The following ZNF17 variants were observed in gnomAD, a reference collection of about 807,000 sequenced individuals.
ZNF17 encodes zinc finger protein 17 (HPF3, KOX 10).
In ZNF17, 4 loss-of-function variants were observed where a neutral mutation model predicts 7.7. The observed-to-expected ratio is 0.52, with a 90% CI of 0.26 to 1.20. The LOEUF (loss-of-function observed/expected upper bound fraction) is 1.20, where lower values mean the gene tolerates loss of function less well. Among genes scored for constraint, ZNF17 ranks in the 50% most tolerant of loss-of-function variants. The probability of loss-of-function intolerance (pLI) is 0.14; values close to 1 mark genes in which losing one functional copy is unlikely to be tolerated. For missense variants in ZNF17, 738 were observed against 799.5 expected, an observed-to-expected ratio of 0.92 and a Z score of 0.93; for synonymous variants, 249 against 258.8, an observed-to-expected ratio of 0.96 and a Z score of 0.36.
In ZNF17 at chr19:57,421,522, G is replaced by T. The variant is rs1288027955; in HGVS notation, c.*41G>T. ...AGCAGATGGGGAAAGACTTCACACA[G>T]AAATCTACTCTGATTTAGCACTGGG... On this transcript the variant is annotated 3_prime_UTR_variant, in exon 4 of 4. Transcript: ENST00000307658. 1 of 1,537,296 alleles carries T rather than the reference G, an allele frequency of 6.5e-7. No individual in the cohort carries two copies.
intron 3 of ZNF17, among the ~76,000 whole-genome samples, chr19:57,418,906 G>A (rs2088829070): frequency 7.1e-6 from 1 of 141,290 alleles, no homozygotes; most frequent in Non-Finnish European, 1.5e-5. Context: ...TTTTGTTTTT[G>A]TTTTTGAGAT....
chr19:57,412,878 CTTT>C (rs1423525684), intron 1 of ZNF17, among the ~76,000 whole-genome samples: 4 of 151,066 alleles, frequency 2.6e-5, no homozygotes, highest in Non-Finnish European at 3.0e-5. Context: ...GTTGATTTTT[CTTT>C]TTTCTTTTTT....
chr19:57,415,752 A>G (rs1014612384), intron 2 of ZNF17, among the ~76,000 whole-genome samples: 6 of 152,132 alleles, frequency 3.9e-5, no homozygotes, highest in African/African-American at 1.4e-4. Context: ...GAGAGTGCAC[A>G]TAAAAGTTGG....
Position 57,411,189 on chromosome 19 carries a change from C to T in ZNF17, c.-238C>T, listed in dbSNP as rs374122411. ...ACGCCTCCTGGGGTTGTCAATATGGCTGCGTTGGGATCTGTTCACCTTCAG... is the reference window on the plus strand; with the variant it reads ...ACGCCTCCTGGGGTTGTCAATATGGTTGCGTTGGGATCTGTTCACCTTCAG... On this transcript the variant is annotated 5_prime_UTR_variant, in exon 1 of 4. Coordinates refer to ENST00000307658, the MANE Select transcript of ZNF17 (RefSeq NM_001330617.2). The T allele has an allele frequency of 4.5e-6, 3 of 660,924 alleles. No individual in the cohort carries two copies. Among genetic ancestry groups the T allele is most frequent in the Non-Finnish European group, 4.9e-6 (2 of 411,038 alleles). The allele number at this position is 660,924 out of a possible 1,614,324, so 40.9% of individuals were successfully genotyped here.
chr19:57,415,004 C>T (rs1470280609), intron 2 of ZNF17, among the ~76,000 whole-genome samples: 3 of 152,168 alleles, frequency 2.0e-5, no homozygotes, highest in African/African-American at 7.2e-5. Context: ...GCCACTGCAC[C>T]CAGCCAGATT....
In ZNF17 at chr19:57,420,164, C is replaced by T. The variant is rs780437090; in HGVS notation, c.678C>T (p.Gly226=). 9 of 1,612,920 alleles carry T rather than the reference C, an allele frequency of 5.6e-6. No homozygotes were observed. The Admixed American group carries it at 1.3e-4, about 24-fold the overall frequency. Residue 226 remains glycine, a synonymous_variant, in exon 4 of 4, where the codon GGC becomes GGT. Coordinates refer to ENST00000307658, the MANE Select transcript of ZNF17 (RefSeq NM_001330617.2). The part of the protein sequence containing the change: ...EERPYECSEC[G]KLFRYNSDLI... Reference sequence around the variant, plus strand: ...GGCCTTATGAGTGCAGTGAATGTGGCAAATTGTTTAGGTACAACTCCGACC... The same window carrying T: ...GGCCTTATGAGTGCAGTGAATGTGGTAAATTGTTTAGGTACAACTCCGACC...
Position 57,411,411 on chromosome 19 carries a change from G to A in ZNF17, c.-21+5G>A, listed in dbSNP as rs776906171. 2.5e-6 allele frequency: 4 copies of A among 1,611,674 alleles called. No individual in the cohort carries two copies. Among genetic ancestry groups the A allele is most frequent in the Non-Finnish European group, 3.4e-6 (4 of 1,179,514 alleles). On this transcript the variant is annotated splice_donor_5th_base_variant and intron_variant, in intron 1 of 3. Transcript: ENST00000307658. Reference sequence around the variant, plus strand: ...GCGCCGATGAACCTGACTGAGGTGGGTGCCGCGTCCCAGGGCGCCCCGCCC... The same window carrying A: ...GCGCCGATGAACCTGACTGAGGTGGATGCCGCGTCCCAGGGCGCCCCGCCC...
In ZNF17 at chr19:57,411,423, A is replaced by G. The variant is rs1427981956; in HGVS notation, c.-21+17A>G. 6.2e-6 allele frequency: 10 copies of G among 1,609,690 alleles called. No individual in the cohort carries two copies. Among genetic ancestry groups the G allele is most frequent in the Admixed American group, 3.3e-5 (2 of 59,830 alleles). On this transcript the variant is annotated intron_variant, in intron 1 of 3. Transcript: ENST00000307658. ...CTGACTGAGGTGGGTGCCGCGTCCC[A>G]GGGCGCCCCGCCCGATCCCTCCTCC... is the stretch of plus-strand genomic sequence containing the variant.
rs926513722 is a variant in ZNF17, at chr19:57,411,435, C to T, written c.-21+29C>T. ...GGTGCCGCGTCCCAGGGCGCCCCGC[C>T]CGATCCCTCCTCCGAGTGCCGAAGC... On this transcript the variant is annotated intron_variant, in intron 1 of 3. Transcript: ENST00000307658. 2.5e-6 allele frequency: 4 copies of T among 1,607,532 alleles called. No individual in the cohort carries two copies. The African/African-American group carries it at 4.0e-5, about 16-fold the overall frequency.
At position 57,420,610 on chromosome 19, in the gene ZNF17, T is replaced by A; in HGVS notation, c.1124T>A (p.Leu375His). 1 of 1,614,170 alleles carries A rather than the reference T, an allele frequency of 6.2e-7. No individual in the cohort carries two copies. The highest frequency in any genetic ancestry group is 1.1e-5 in the South Asian group (1 of 91,074). Residue 375 changes from leucine to histidine, a missense_variant, in exon 4 of 4, where the codon CTC (leucine) becomes CAC (histidine). Leu to His is a moderately conservative substitution (Grantham distance 99). Around this residue, in one of 3 missense-constraint regions of ZNF17, gnomAD observed 616 missense variants for 663.9 expected, o/e 0.93. Coordinates refer to ENST00000307658, the MANE Select transcript of ZNF17 (RefSeq NM_001330617.2). ...CGKFFMDSCT[L>H]IIHQRVHTGE... ...AAATTCTTTATGGACAGCTGCACACTCATTATTCACCAGAGAGTTCATACT... is the reference window on the plus strand; with the variant it reads ...AAATTCTTTATGGACAGCTGCACACACATTATTCACCAGAGAGTTCATACT...
At position 57,414,887 on chromosome 19, in the gene ZNF17, G is replaced by T. The variant is rs1035999795; in HGVS notation, c.21+1251G>T. Among the ~76,000 whole-genome samples, 4 of 151,114 alleles carry T rather than the reference G, an allele frequency of 2.6e-5. No individual in the cohort carries two copies. The South Asian group carries it at 8.4e-4, about 32-fold the overall frequency. On this transcript the variant is annotated intron_variant, in intron 2 of 3. Transcript: ENST00000307658. Reference sequence around the variant, plus strand: ...CATCATGCCCGGCTAACTTTTTTTTGTATTTTTTAGTAGAGCCAGGGTTTC... The same window carrying T: ...CATCATGCCCGGCTAACTTTTTTTTTTATTTTTTAGTAGAGCCAGGGTTTC...
chr19:57,416,874 C>T (rs1489543463), intron 2 of ZNF17, among the ~76,000 whole-genome samples: 1 of 152,110 alleles, frequency 6.6e-6, no homozygotes, highest in Non-Finnish European at 1.5e-5. Flanking sequence ...ATACTGGAGT[C>T]AGTGATCAGT....
rs1467159556 is a variant in ZNF17 at position 57,411,369 on chromosome 19, C to T, written c.-58C>T. 6.2e-7 allele frequency: 1 copy of T among 1,612,516 alleles called. No homozygotes were observed. The highest frequency in any genetic ancestry group is 1.1e-5 in the South Asian group (1 of 90,820). ...CCGCTCCCGCCCCGCTCTTCCCTGG[C>T]TGTGCTGGCGGAGGCTGCGCCGATG... is the stretch of plus-strand genomic sequence containing the variant. On this transcript the variant is annotated 5_prime_UTR_variant, in exon 1 of 4. Coordinates refer to ENST00000307658, the MANE Select transcript of ZNF17 (RefSeq NM_001330617.2).
At position 57,420,173 on chromosome 19, in the gene ZNF17, T is replaced by C. The variant is rs1600095690; in HGVS notation, c.687T>C (p.Phe229=). The C allele has an allele frequency of 3.7e-6, 6 of 1,613,178 alleles. No individual in the cohort carries two copies. In the African/African-American group the frequency reaches 5.3e-5, roughly 14 times the overall value. The change falls in exon 4 of 4, where the codon TTT becomes TTC. Residue 229 remains phenylalanine, a synonymous_variant. Coordinates refer to ENST00000307658, the MANE Select transcript of ZNF17 (RefSeq NM_001330617.2). The stretch of plus-strand genomic sequence containing the variant: ...AGTGCAGTGAATGTGGCAAATTGTT[T>C]AGGTACAACTCCGACCTTATTAAAC... ...PYECSECGKL[F]RYNSDLIKHQ...
Position 57,420,464 on chromosome 19 carries a change from T to C in ZNF17, c.978T>C (p.His326=). The C allele has an allele frequency of 1.2e-6, 2 of 1,614,080 alleles. No homozygotes were observed. The highest frequency in any genetic ancestry group is 1.7e-6 in the Non-Finnish European group (2 of 1,180,014). Residue 326 remains histidine (H), a synonymous_variant, in exon 4 of 4, where the codon CAT becomes CAC. Coordinates refer to ENST00000307658, the MANE Select transcript of ZNF17 (RefSeq NM_001330617.2). The part of the protein sequence containing the change: ...QAHLVGHQKI[H]TGERPYGCNE... ...ACCTTGTTGGTCACCAGAAAATTCA[T>C]ACTGGAGAACGGCCTTATGGATGCA...
intron 1 of ZNF17, among the ~76,000 whole-genome samples, chr19:57,412,135 C>T (rs1463630810): frequency 6.6e-6 from 1 of 152,102 alleles, no homozygotes; most frequent in East Asian, 1.9e-4. Context: ...CTCATATCTG[C>T]AAAAACGGAG....
rs1210803549 is a variant in ZNF17, at chr19:57,411,410, G to A, written c.-21+4G>A. The A allele has an allele frequency of 1.9e-6, 3 of 1,611,780 alleles. No individual in the cohort carries two copies. Among genetic ancestry groups the A allele is most frequent in the Non-Finnish European group, 2.5e-6 (3 of 1,179,526 alleles). On this transcript the variant is annotated splice_donor_region_variant and intron_variant, in intron 1 of 3. Transcript: ENST00000307658. ...TGCGCCGATGAACCTGACTGAGGTG[G>A]GTGCCGCGTCCCAGGGCGCCCCGCC... is the stretch of plus-strand genomic sequence containing the variant.
chr19:57,420,147 G>A lies in ZNF17; in HGVS notation c.661G>A (p.Glu221Lys), dbSNP rs2088838713. The A allele has an allele frequency of 6.2e-7, 1 of 1,614,222 alleles. No homozygotes were observed. The highest frequency in any genetic ancestry group is 8.5e-7 in the Non-Finnish European group (1 of 1,180,042). ...AATCCACACAGAGGAAAGGCCTTAT[G>A]AGTGCAGTGAATGTGGCAAATTGTT... The part of the protein sequence containing the change: ...QKIHTEERPY[E>K]CSECGKLFRY... Residue 221 changes from glutamate (E) to lysine (K), a missense_variant, in exon 4 of 4, where the codon GAG becomes AAG. Physicochemically the swap from Glu to Lys is moderately conservative, Grantham distance 56. This residue lies in a region of ZNF17 where 616 missense variants were observed against 663.9 expected (regional missense o/e 0.93). Transcript: ENST00000307658.
intron 2 of ZNF17, among the ~76,000 whole-genome samples, chr19:57,416,034 T>C (rs2088809428): frequency 1.3e-5 from 2 of 151,896 alleles, no homozygotes; most frequent in Non-Finnish European, 2.9e-5. Flanking sequence ...GGACAACATA[T>C]ACATGTAGAA....
Sources: allele counts gnomAD v4.1 joint callset (sites outside exome capture counted in the v4.1 genomes callset), GRCh38; gene constraint gnomAD v4.1.1; regional missense constraint gnomAD v4.1.1; transcripts MANE v1.5; gene names NCBI Gene and HGNC (gene_info 2026-07-23, HGNC 2026-07-21).